The following LRP1B variants were observed in gnomAD, a reference collection of about 807,000 sequenced individuals.
LRP1B encodes the protein LDL receptor related protein 1B, also known as low-density lipoprotein receptor-related protein 1B.
A neutral mutation model predicts 556.6 loss-of-function variants in LRP1B; 217 were observed. The ratio of observed to expected loss-of-function variants is 0.39; its 90% CI spans 0.35 to 0.44. The LOEUF (loss-of-function observed/expected upper bound fraction) is 0.44. Ranked by LOEUF, LRP1B falls within the 20% of genes least tolerant of loss-of-function variation. The pLI is 1.00. For missense variants in LRP1B, 5,053 were observed against 5,620.8 expected, an observed-to-expected ratio of 0.90 and a Z score of 3.23; for synonymous variants, 2,047 against 1,865.8, an observed-to-expected ratio of 1.10 and a Z score of -2.50.
At chr2:141,237,494 CT>C (rs1268456057) in intron 5 of LRP1B, among the ~76,000 whole-genome samples, 1 of 152,022 alleles carries the variant, frequency 6.6e-6, no homozygotes, top group Non-Finnish European at 1.5e-5. Flanking sequence ...GCATGAGCCA[CT>C]GTGCCAAACC....
rs539688823 is a variant in LRP1B, at chr2:140,624,278, T to C, written c.6800-22639A>G. Among the ~76,000 whole-genome samples the C allele has an allele frequency of 3.4e-4, 52 of 152,200 alleles. 1 individual carries two copies. The South Asian group carries it at 0.01, about 30-fold the overall frequency. ...ACAGACTGTATATACCATGCAAACT[T>C]TAGTTCTGAAATCTGAAGCTTGTTC... On this transcript the variant is annotated intron_variant, in intron 41 of 90. Coordinates refer to ENST00000389484, the MANE Select transcript of LRP1B (RefSeq NM_018557.3).
chr2:140,924,175 T>C (rs1417088732), intron 20 of LRP1B, among the ~76,000 whole-genome samples: 1 of 152,002 alleles, frequency 6.6e-6, no homozygotes, highest in East Asian at 1.9e-4. Context: ...TCTCATTATT[T>C]ATTACACTGG....
At chr2:140,472,612 C>T (rs1687816344) in intron 60 of LRP1B, among the ~76,000 whole-genome samples, 1 of 152,034 alleles carries the variant, frequency 6.6e-6, no homozygotes, top group African/African-American at 2.4e-5. Flanking sequence ...TTGTAAGGCA[C>T]ATGTACCTTG....
chr2:141,564,104 C>A (rs571546416), intron 2 of LRP1B, among the ~76,000 whole-genome samples: 1 of 152,138 alleles, frequency 6.6e-6, no homozygotes, highest in African/African-American at 2.4e-5. Flanking sequence ...TATTAGATTT[C>A]CAAACTTAGA....
chr2:140,777,759 A>G (rs1328202145), intron 32 of LRP1B, among the ~76,000 whole-genome samples: 1 of 152,172 alleles, frequency 6.6e-6, no homozygotes, highest in Non-Finnish European at 1.5e-5. Context: ...CAAGAAAGTA[A>G]AAGATGCTGT....
At chr2:141,112,067 T>TAAA (rs1700768744) in intron 7 of LRP1B, among the ~76,000 whole-genome samples, 1 of 102,874 alleles carries the variant, frequency 9.7e-6, no homozygotes, top group Non-Finnish European at 2.0e-5. Flanking sequence ...AATAAATAAA[T>TAAA]AAATAATAAA....
At chr2:140,235,090 A>G (rs189990389) in intron 89 of LRP1B, among the ~76,000 whole-genome samples, 4 of 151,272 alleles carry the variant, frequency 2.6e-5, no homozygotes, top group Middle Eastern at 3.4e-3. Context: ...TTAATATTGG[A>G]TCTTTGCTTC....
intron 1 of LRP1B, among the ~76,000 whole-genome samples, chr2:141,859,822 T>C (rs1220135473): frequency 1.3e-5 from 2 of 152,168 alleles, no homozygotes; most frequent in African/African-American, 4.8e-5. Flanking sequence ...TAAAAAACAG[T>C]GGTGAGAAAA....
At chr2:140,849,863 T>A (rs1455845912) in intron 29 of LRP1B, among the ~76,000 whole-genome samples, 1 of 152,124 alleles carries the variant, frequency 6.6e-6, no homozygotes, top group Non-Finnish European at 1.5e-5. Flanking sequence ...TTTAAGGTGA[T>A]CTGTCCTGAA....
chr2:140,926,089 A>G (rs1027398136), intron 20 of LRP1B, among the ~76,000 whole-genome samples: 2 of 142,768 alleles, frequency 1.4e-5, no homozygotes, highest in Non-Finnish European at 3.0e-5. Context: ...TAAGCTACCC[A>G]TGTCTGAACC....
At chr2:140,321,563 G>C (rs931173569) in intron 82 of LRP1B, among the ~76,000 whole-genome samples, 1 of 151,976 alleles carries the variant, frequency 6.6e-6, no homozygotes, top group African/African-American at 2.4e-5. Context: ...TTCTAAGTTA[G>C]TGTTTGGCAC....
intron 31 of LRP1B, among the ~76,000 whole-genome samples, chr2:140,834,385 G>A (rs566094823): frequency 2.2e-4 from 33 of 152,194 alleles, no homozygotes; most frequent in African/African-American, 7.5e-4. Flanking sequence ...GACTACAGGC[G>A]CATGCCATCA....
intron 2 of LRP1B, among the ~76,000 whole-genome samples, chr2:141,650,939 T>C (rs1689764738): frequency 1.3e-5 from 2 of 152,220 alleles, no homozygotes; most frequent in Admixed American, 6.5e-5. Context: ...CGGATGTCTA[T>C]TGCTGTCATC....
chr2:140,261,760 A>G (rs1681953774), intron 86 of LRP1B, among the ~76,000 whole-genome samples: 1 of 151,946 alleles, frequency 6.6e-6, no homozygotes, highest in Non-Finnish European at 1.5e-5. Flanking sequence ...TTTTTAGTAT[A>G]TAATAATCTG....
chr2:140,428,558 T>C (rs983137189), intron 66 of LRP1B, among the ~76,000 whole-genome samples: 11 of 152,180 alleles, frequency 7.2e-5, no homozygotes, highest in African/African-American at 1.2e-4. Flanking sequence ...CCTGGAACTC[T>C]GGCCCAAGGC....
intron 86 of LRP1B, among the ~76,000 whole-genome samples, chr2:140,257,467 C>T (rs890958544): frequency 3.3e-5 from 5 of 152,066 alleles, no homozygotes; most frequent in Non-Finnish European, 5.9e-5. Flanking sequence ...TAATAGCTGC[C>T]CAATACACAA....
chr2:140,323,416 T>C (rs1394816154), intron 81 of LRP1B, among the ~76,000 whole-genome samples: 1 of 151,918 alleles, frequency 6.6e-6, no homozygotes, highest in African/African-American at 2.4e-5. Context: ...TGTTGATTAG[T>C]GGTAAGAGTC....
chr2:141,868,918 T>C (rs1698495631), intron 1 of LRP1B, among the ~76,000 whole-genome samples: 6 of 152,112 alleles, frequency 3.9e-5, no homozygotes, highest in Admixed American at 3.9e-4. Context: ...TACCTAGAAA[T>C]AGTAGAAACT....
chr2:141,454,623 A>ATATC (rs1213747127), intron 3 of LRP1B, among the ~76,000 whole-genome samples: 1 of 151,544 alleles, frequency 6.6e-6, no homozygotes, highest in Non-Finnish European at 1.5e-5. Flanking sequence ...ATATTTACTA[A>ATATC]TATCTTTGCT....
Sources: gnomAD v4.1 joint callset for allele counts (sites outside exome capture counted in the v4.1 genomes callset) on GRCh38, gnomAD v4.1.1 for gene constraint, MANE v1.5 for transcripts, NCBI Gene and HGNC (gene_info 2026-07-23, HGNC 2026-07-21) for gene names.